The following PTPRM variants were observed in gnomAD, a reference collection of about 807,000 sequenced individuals.
PTPRM encodes receptor-type tyrosine-protein phosphatase mu.
In PTPRM, 47 loss-of-function variants were observed where a neutral mutation model predicts 186.7. The observed-to-expected ratio is 0.25, with a 90% CI of 0.20 to 0.32. The LOEUF (loss-of-function observed/expected upper bound fraction) is 0.32. PTPRM is among the 10% of genes least tolerant of loss of function. The probability of loss-of-function intolerance (pLI) is 1.00; values close to 1 mark genes in which losing one functional copy is unlikely to be tolerated. For synonymous variants in PTPRM, 668 were observed against 674.9 expected, an observed-to-expected ratio of 0.99 and a Z score of 0.16; for missense variants, 1,494 against 1,865.0, an observed-to-expected ratio of 0.80 and a Z score of 3.66.
In PTPRM at chr18:8,041,743, T is replaced by C. The variant is rs564423605; in HGVS notation, c.1133-27943T>C. Among the ~76,000 whole-genome samples the C allele has an allele frequency of 1.3e-4, 20 of 152,300 alleles. No homozygotes were observed. The East Asian group carries it at 3.7e-3, about 28-fold the overall frequency. On this transcript the variant is annotated intron_variant, in intron 7 of 32. Transcript: ENST00000580170. ...CTGTATTGTGGCACCTAGGGTGCAG[T>C]GGGGCAAACTGTCACTGCCACAAGG...
intron 22 of PTPRM, among the ~76,000 whole-genome samples, chr18:8,333,735 T>G (rs1016978089): frequency 6.6e-6 from 1 of 152,174 alleles, no homozygotes; most frequent in Admixed American, 6.5e-5. Flanking sequence ...CCATCTTCAT[T>G]GCTGATGGAG....
At chr18:8,087,270 G>A (rs1053151733) in intron 10 of PTPRM, among the ~76,000 whole-genome samples, 1 of 152,078 alleles carries the variant, frequency 6.6e-6, no homozygotes, top group Non-Finnish European at 1.5e-5. Flanking sequence ...CATAATGAGT[G>A]TATTTTTTGA....
At chr18:8,289,402 A>G (rs1319405308) in intron 19 of PTPRM, among the ~76,000 whole-genome samples, 1 of 143,068 alleles carries the variant, frequency 7.0e-6, no homozygotes, top group African/African-American at 2.6e-5. Flanking sequence ...GTGTGTGTAT[A>G]TATATATATA....
chr18:7,832,023 T>C (rs1210380821), intron 2 of PTPRM, among the ~76,000 whole-genome samples: 1 of 152,202 alleles, frequency 6.6e-6, no homozygotes. Context: ...TATCCATCCT[T>C]CTGTTGATGG....
intron 2 of PTPRM, among the ~76,000 whole-genome samples, chr18:7,845,330 TATG>T (rs1327797728): frequency 5.3e-5 from 8 of 152,222 alleles, no homozygotes; most frequent in African/African-American, 1.9e-4. Flanking sequence ...TGGATTAATT[TATG>T]ATATCTTTGA....
intron 7 of PTPRM, among the ~76,000 whole-genome samples, chr18:8,006,341 G>A (rs1311286580): frequency 6.6e-6 from 1 of 152,152 alleles, no homozygotes; most frequent in African/African-American, 2.4e-5. Flanking sequence ...CATGATCAGT[G>A]TTTCCATGAG....
At chr18:7,641,648 A>C (rs2038446543) in intron 1 of PTPRM, among the ~76,000 whole-genome samples, 1 of 152,228 alleles carries the variant, frequency 6.6e-6, no homozygotes, top group Non-Finnish European at 1.5e-5. Context: ...TTTTTTGAAG[A>C]ATTTGATATG....
chr18:8,192,879 A>G (rs895601405), intron 14 of PTPRM, among the ~76,000 whole-genome samples: 1 of 152,192 alleles, frequency 6.6e-6, no homozygotes. Flanking sequence ...TTAACAACAA[A>G]TAGAAGAATC....
intron 19 of PTPRM, among the ~76,000 whole-genome samples, chr18:8,287,558 G>A (rs1601640639): frequency 1.3e-5 from 2 of 152,148 alleles, no homozygotes; most frequent in Admixed American, 1.3e-4. Flanking sequence ...CCAAAGGAAG[G>A]GAGCAGCTGA....
Position 8,304,482 on chromosome 18 carries a change from T to G in PTPRM, c.2842+8027T>G, listed in dbSNP as rs377584671. On this transcript the variant is annotated intron_variant, in intron 20 of 32. Coordinates refer to ENST00000580170, the MANE Select transcript of PTPRM (RefSeq NM_001105244.2). Reference sequence around the variant, plus strand: ...AATATCTGCTTTTCTCTGTTTCATCTAGTAAAGGCTTTTTTTGAGAGATAT... The same window carrying G: ...AATATCTGCTTTTCTCTGTTTCATCGAGTAAAGGCTTTTTTTGAGAGATAT... Among the ~76,000 whole-genome samples the G allele has an allele frequency of 2.0e-5, 3 of 152,302 alleles. No homozygotes were observed. In the East Asian group the frequency reaches 5.8e-4, roughly 29 times the overall value.
chr18:8,239,943 A>G (rs1042993828), intron 14 of PTPRM, among the ~76,000 whole-genome samples: 1 of 152,174 alleles, frequency 6.6e-6, no homozygotes. Context: ...ATTTTCGGCA[A>G]ACCATTTGTT....
intron 2 of PTPRM, among the ~76,000 whole-genome samples, chr18:7,794,724 A>G (rs1313738283): frequency 2.0e-5 from 3 of 152,206 alleles, no homozygotes; most frequent in Non-Finnish European, 2.9e-5. Flanking sequence ...ACTATATTAC[A>G]TTATAATTGT....
chr18:7,757,923 A>T (rs1472639373), intron 1 of PTPRM, among the ~76,000 whole-genome samples: 1 of 152,076 alleles, frequency 6.6e-6, no homozygotes, highest in African/African-American at 2.4e-5. Flanking sequence ...GAGATAAAAG[A>T]GCTTGGGCTT....
chr18:7,773,716 G>A (rs2042445643), intron 1 of PTPRM, among the ~76,000 whole-genome samples: 1 of 151,970 alleles, frequency 6.6e-6, no homozygotes, highest in Non-Finnish European at 1.5e-5. Context: ...GAGTAGCTGG[G>A]ATTACAGGTG....
chr18:7,881,144 A>G (rs16952620), intron 2 of PTPRM, among the ~76,000 whole-genome samples: 19,324 of 152,166 alleles, frequency 0.13, 1,852 homozygotes, highest in African/African-American at 0.26. Flanking sequence ...AATGTAAAGA[A>G]CAATATATTG....
chr18:8,125,328 C>T (rs2092305437), intron 13 of PTPRM, among the ~76,000 whole-genome samples: 1 of 151,998 alleles, frequency 6.6e-6, no homozygotes, highest in Admixed American at 6.6e-5. Flanking sequence ...ATGAGCAGTC[C>T]TGTCATTGCA....
At chr18:8,048,586 A>T (rs58457935) in intron 7 of PTPRM, among the ~76,000 whole-genome samples, 18,399 of 137,496 alleles carry the variant, frequency 0.13, 1,161 homozygotes, top group African/African-American at 0.2. Flanking sequence ...AGTCTTTTTT[A>T]AAAAAAAAAA....
chr18:7,717,616 G>A (rs1014504559), intron 1 of PTPRM, among the ~76,000 whole-genome samples: 15 of 152,210 alleles, frequency 9.9e-5, no homozygotes, highest in Non-Finnish European at 2.1e-4. Context: ...TGCCTCATGC[G>A]AAAAGGCAAA....
At chr18:8,048,821 C>T (rs1302848867) in intron 7 of PTPRM, among the ~76,000 whole-genome samples, 1 of 152,176 alleles carries the variant, frequency 6.6e-6, no homozygotes, top group African/African-American at 2.4e-5. Flanking sequence ...GTAATAGTTA[C>T]ATTTGGGCAA....
Sources: allele counts gnomAD v4.1 joint callset (sites outside exome capture counted in the v4.1 genomes callset), GRCh38; gene constraint gnomAD v4.1.1; transcripts MANE v1.5; gene names NCBI Gene and HGNC (gene_info 2026-07-23, HGNC 2026-07-21).